The following ZMYND8 variants were observed in gnomAD, a reference collection of about 807,000 sequenced individuals.
The protein encoded by ZMYND8 is MYND-type zinc finger-containing chromatin reader ZMYND8.
Under a neutral mutation model 140.8 loss-of-function variants are expected in ZMYND8, and 37 were observed. That is an observed-to-expected ratio of 0.26 (90% CI 0.20 to 0.35). The LOEUF (loss-of-function observed/expected upper bound fraction) is 0.35, where lower values mean the gene tolerates loss of function less well. Among genes scored for constraint, ZMYND8 ranks in the 10% least tolerant of loss-of-function variants. The pLI, the probability that ZMYND8 is intolerant of heterozygous loss-of-function variation, is 1.00. For missense variants in ZMYND8, 1,068 were observed against 1,570.0 expected (o/e 0.68, Z 5.40); for synonymous variants, 592 against 597.1 (o/e 0.99, Z 0.12).
intron 11 of ZMYND8, among the ~76,000 whole-genome samples, chr20:47,264,426 G>C (rs1471220975): frequency 6.6e-6 from 1 of 152,020 alleles, no homozygotes; most frequent in Non-Finnish European, 1.5e-5. Context: ...TCAGGCTCCT[G>C]CTATCACACC....
chr20:47,323,036 C>T (rs1478926502), intron 2 of ZMYND8, among the ~76,000 whole-genome samples: 1 of 152,198 alleles, frequency 6.6e-6, no homozygotes, highest in East Asian at 1.9e-4. Flanking sequence ...TTCTTAGCCT[C>T]TCTGTGACTC....
chr20:47,321,223 T>C (rs1193006966), intron 2 of ZMYND8, among the ~76,000 whole-genome samples: 3 of 152,232 alleles, frequency 2.0e-5, no homozygotes, highest in Non-Finnish European at 2.9e-5. Context: ...TCTGTATCCC[T>C]TGTACCCGGC....
intron 2 of ZMYND8, among the ~76,000 whole-genome samples, chr20:47,314,668 G>A (rs370912719): frequency 6.6e-6 from 1 of 152,312 alleles, no homozygotes; most frequent in African/African-American, 2.4e-5. Context: ...TTTAGGAGAT[G>A]GGGTCTGAGT....
intron 10 of ZMYND8, among the ~76,000 whole-genome samples, chr20:47,277,789 G>A (rs1295944792): frequency 6.6e-6 from 1 of 151,976 alleles, no homozygotes; most frequent in Non-Finnish European, 1.5e-5. Context: ...TCCTGCCTCA[G>A]CTTCCCAAGT....
chr20:47,238,665 TAAA>T, intron 15 of ZMYND8, 90 bp downstream of exon 15: 1 of 1,157,100 alleles, frequency 8.6e-7, no homozygotes, highest in South Asian at 1.5e-5. Flanking sequence ...AAACGAGAAC[TAAA>T]AAAAAAAAAT....
rs150140123 is a variant in ZMYND8 at position 47,328,426 on chromosome 20, G to A, written c.86-18222C>T. Among the ~76,000 whole-genome samples, 559 of 152,112 alleles carry A rather than the reference G, an allele frequency of 3.7e-3. 5 individuals are homozygous for A. The highest frequency in any genetic ancestry group is 0.013 in the African/African-American group (521 of 41,492). ...ATACACTGATTTTTATCATTTGAAA[G>A]GAAAATCCAATAAACCTTAACCCCT... is the stretch of plus-strand genomic sequence containing the variant. On this transcript the variant is annotated intron_variant, in intron 2 of 22. Coordinates refer to ENST00000471951, the MANE Select transcript of ZMYND8 (RefSeq NM_001281775.3).
chr20:47,337,764 T>G (rs1482732030), intron 2 of ZMYND8, among the ~76,000 whole-genome samples: 1 of 152,174 alleles, frequency 6.6e-6, no homozygotes, highest in African/African-American at 2.4e-5. Flanking sequence ...ATCATTACCC[T>G]CGGACACAAA....
chr20:47,291,984 T>A, intron 5 of ZMYND8, 96 bp from the exon 6 acceptor site: 1 of 1,065,564 alleles, frequency 9.4e-7, no homozygotes, highest in Non-Finnish European at 1.3e-6. Context: ...TGAGACAACT[T>A]TTCAGACAAT....
At chr20:47,302,436 G>T (rs1307515684) in intron 3 of ZMYND8, among the ~76,000 whole-genome samples, 2 of 152,118 alleles carry the variant, frequency 1.3e-5, no homozygotes. Context: ...CAGCCTGAGC[G>T]AAAGAGCGAG....
intron 3 of ZMYND8, among the ~76,000 whole-genome samples, chr20:47,304,593 T>C (rs373180357): frequency 2.0e-5 from 3 of 152,190 alleles, no homozygotes; most frequent in African/African-American, 7.2e-5. Context: ...ATGAGGACCA[T>C]AGACTCCAGT....
intron 21 of ZMYND8, among the ~76,000 whole-genome samples, chr20:47,213,284 C>CA (rs1455896800): frequency 6.6e-6 from 1 of 152,094 alleles, no homozygotes; most frequent in Non-Finnish European, 1.5e-5. Flanking sequence ...CCTCTGAAAT[C>CA]AGAGTCAAAA....
In ZMYND8 at chr20:47,238,940, T is replaced by G. The variant is rs1036519346; in HGVS notation, c.2483A>C (p.Lys828Thr). Residue 828 changes from lysine (K) to threonine (T), a missense_variant, in exon 15 of 23, where the codon AAG (lysine) becomes ACG (threonine). Lys to Thr is a moderately conservative substitution (Grantham distance 78). Around this residue, in one of 10 missense-constraint regions of ZMYND8, gnomAD observed 383 missense variants for 431.2 expected, o/e 0.89. Transcript: ENST00000471951. ...CCGCTGCACGGCCGGGGCAGTCTCC[T>G]TCGGTAAAAGCGGCCTCTGCTTTTT... ...PVKKQRPLLP[K>T]ETAPAVQRVV... 6.2e-7 allele frequency: 1 copy of G among 1,613,816 alleles called. No homozygotes were observed. Among genetic ancestry groups the G allele is most frequent in the Admixed American group, 1.7e-5 (1 of 60,008 alleles).
intron 11 of ZMYND8, among the ~76,000 whole-genome samples, chr20:47,263,603 A>AG (rs1475643023): frequency 6.6e-6 from 1 of 152,200 alleles, no homozygotes; most frequent in Admixed American, 6.5e-5. Flanking sequence ...CCAGAAGTAA[A>AG]GAGGCCTGGA....
chr20:47,356,420 G>C (rs1470984394), intron 1 of ZMYND8: 8 of 1,537,462 alleles, frequency 5.2e-6, no homozygotes. Flanking sequence ...ACCATGCCCT[G>C]GTGGAAGGAA....
chr20:47,339,229 C>T (rs1437092945), intron 2 of ZMYND8, among the ~76,000 whole-genome samples: 1 of 151,948 alleles, frequency 6.6e-6, no homozygotes, highest in African/African-American at 2.4e-5. Context: ...GCCTCGGCCT[C>T]CCAAAGTGCT....
At chr20:47,232,616 A>G (rs1295602844) in intron 16 of ZMYND8, among the ~76,000 whole-genome samples, 2 of 152,168 alleles carry the variant, frequency 1.3e-5, no homozygotes, top group Non-Finnish European at 2.9e-5. Flanking sequence ...CTGAGAAAAC[A>G]GCCTTCCTGC....
At chr20:47,348,122 G>T in intron 1 of ZMYND8, 196 bp from the exon 2 acceptor site, 1 of 606,166 alleles carries the variant, frequency 1.6e-6, no homozygotes, top group Non-Finnish European at 2.9e-6. Context: ...ACACTAGGTT[G>T]TTCTTTTTTT....
rs147932923 is a variant in ZMYND8, at chr20:47,322,117, G to A, written c.86-11913C>T. ...CTCAAGCAATCCCTCTGCCTCAGCC[G>A]CCCAAAGTGCTGGGATTACAGATGT... On this transcript the variant is annotated intron_variant, in intron 2 of 22. Transcript: ENST00000471951. 9.2e-5 allele frequency among the ~76,000 whole-genome samples: 14 copies of A among 151,984 alleles called. No homozygotes were observed. The East Asian group carries it at 2.3e-3, about 25-fold the overall frequency.
At chr20:47,285,917 T>G in intron 8 of ZMYND8, 1 of 888,292 alleles carries the variant, frequency 1.1e-6, no homozygotes, top group African/African-American at 1.8e-5. Context: ...TAAGCCGGGC[T>G]TGGTGGCTGA....
Sources: allele counts gnomAD v4.1 joint callset (sites outside exome capture counted in the v4.1 genomes callset), GRCh38; gene constraint gnomAD v4.1.1; regional missense constraint gnomAD v4.1.1; transcripts MANE v1.5; gene names NCBI Gene and HGNC (gene_info 2026-07-23, HGNC 2026-07-21).